SLC11A1: variants seen among roughly 807,000 people sequenced by gnomAD.
SLC11A1 encodes solute carrier family 11 member 1, also known as natural resistance-associated macrophage protein 1.
In SLC11A1, 59 loss-of-function variants were observed where a neutral mutation model predicts 63.2. That is an observed-to-expected ratio of 0.93 (90% CI 0.76 to 1.16). The LOEUF (loss-of-function observed/expected upper bound fraction) is 1.16. SLC11A1 is among the 50% of genes most tolerant of loss of function. The pLI, the probability that SLC11A1 is intolerant of heterozygous loss-of-function variation, is 0.00. For missense variants in SLC11A1, 688 were observed against 730.7 expected (o/e 0.94, Z 0.67); for synonymous variants, 305 against 307.8 (o/e 0.99, Z 0.09).
chr2:218,393,136 A>G lies in SLC11A1; in HGVS notation c.1314+6A>G, dbSNP rs777002464. 1 of 1,560,326 alleles carries G rather than the reference A, an allele frequency of 6.4e-7. No homozygotes were observed. The highest frequency in any genetic ancestry group is 8.6e-7 in the Non-Finnish European group (1 of 1,158,492). The stretch of plus-strand genomic sequence containing the variant: ...ACGTGCTGCAGAGCCTGCTGGTGAG[A>G]TGCGCCAACCCCACCAGCCCTGCCC... On this transcript the variant is annotated splice_donor_region_variant and intron_variant, in intron 12 of 14. Transcript: ENST00000233202.
In SLC11A1 at chr2:218,391,288, G is replaced by A. The variant is rs558831578; in HGVS notation, c.1044+1G>A. ...CGTGGCCGTGGACATTTACCAGGGG[G>A]TGAGCGCGGGTGGGTGGGGAGGGCG... On this transcript the variant is annotated splice_donor_variant, in intron 10 of 14. Coordinates refer to ENST00000233202, the MANE Select transcript of SLC11A1 (RefSeq NM_000578.4). LOFTEE classifies it high-confidence loss of function. The A allele has an allele frequency of 3.7e-6, 6 of 1,600,104 alleles. No individual in the cohort carries two copies. Among genetic ancestry groups the A allele is most frequent in the South Asian group, 2.2e-5 (2 of 90,806 alleles).
chr2:218,396,182 G>GC lies in SLC11A1; in HGVS notation c.*1149dup, dbSNP rs60216256. 152,359 of 152,362 alleles carry GC rather than the reference G, an allele frequency of 1. 76,178 individuals carry two copies. The highest frequency in any genetic ancestry group is 1 in the Middle Eastern group (294 of 294). The allele number at this position is 152,362 out of a possible 1,614,324, so 9.4% of individuals were successfully genotyped here. ...GGGGAGGCGGGCGCTCGGGGCTCGCGCCAGGGGCCCCAGAATCCTTCGGGG... is the reference window on the plus strand; with the variant it reads ...GGGGAGGCGGGCGCTCGGGGCTCGCGCCCAGGGGCCCCAGAATCCTTCGGGG... On this transcript the variant is annotated 3_prime_UTR_variant, in exon 15 of 15. Coordinates refer to ENST00000233202, the MANE Select transcript of SLC11A1 (RefSeq NM_000578.4).
intron 6 of SLC11A1, 84 bp downstream of exon 6, chr2:218,387,314 G>A (rs1208602498): frequency 1.5e-6 from 2 of 1,345,712 alleles, no homozygotes; most frequent in Middle Eastern, 1.9e-4. Flanking sequence ...GAACAGCCTG[G>A]GAGCGCACCT....
In SLC11A1 at chr2:218,383,015, G is replaced by C. The variant is rs776388355; in HGVS notation, c.63G>C (p.Pro21=). The C allele has an allele frequency of 6.9e-5, 111 of 1,611,420 alleles. No individual in the cohort carries two copies. Among genetic ancestry groups the C allele is most frequent in the East Asian group, 4.5e-4 (20 of 44,850 alleles). ...SGSSYGSISS[P]TSPTSPGPQQ... ...CCAGCTATGGTTCCATCTCCAGCCC[G>C]ACCAGCCCGACCAGCCCAGGGCCAC... The change falls in exon 2 of 15, where the codon CCG becomes CCC. Residue 21 remains proline (P), a synonymous_variant. Transcript: ENST00000233202.
At chr2:218,387,730 G>A (rs1696183338) in intron 7 of SLC11A1, 70 bp from the exon 8 acceptor site, 10 of 1,611,940 alleles carry the variant, frequency 6.2e-6, no homozygotes, top group Non-Finnish European at 7.6e-6. Flanking sequence ...GTGGGATGGA[G>A]GCTGAGAAAT....
rs1419064010 is a variant in SLC11A1, at chr2:218,396,328, C to T, written c.*1293C>T. On this transcript the variant is annotated 3_prime_UTR_variant, in exon 15 of 15. Coordinates refer to ENST00000233202, the MANE Select transcript of SLC11A1 (RefSeq NM_000578.4). ...AGACGTTCCCTAGGCTGTTTCTAGG[C>T]TCCCCCAAGTCCCTCCTCCAGCCTC... The T allele has an allele frequency of 6.6e-6, 1 of 152,406 alleles. No individual in the cohort carries two copies. Among genetic ancestry groups the T allele is most frequent in the African/African-American group, 2.4e-5 (1 of 41,490 alleles). 9.4% of individuals were successfully genotyped at this position (152,406 alleles called of 1,614,324 possible).
intron 11 of SLC11A1, chr2:218,392,078 C>CT (rs761996049): frequency 4.0e-4 from 157 of 387,838 alleles, no homozygotes; most frequent in East Asian, 9.6e-4. Context: ...TCTTTCTTTC[C>CT]TTTTTTTTGA....
chr2:218,382,819 G>A (rs1053068223), intron 1 of SLC11A1, 141 bp from the exon 2 acceptor site: 14 of 918,912 alleles, frequency 1.5e-5, no homozygotes, highest in African/African-American at 3.3e-5. Flanking sequence ...TTTGAGAGGT[G>A]GAGGTGATGG....
At chr2:218,386,453 GA>G (rs11405187) in intron 4 of SLC11A1, among the ~76,000 whole-genome samples, 181 bp from the exon 5 acceptor site, 173 of 137,212 alleles carry the variant, frequency 1.3e-3, no homozygotes, top group Middle Eastern at 3.8e-3. Flanking sequence ...ACTCTATTTC[GA>G]AAAAAAAAAA....
chr2:218,385,422 G>A lies in SLC11A1; in HGVS notation c.393+156G>A, dbSNP rs760229373. ...TTGTTTGTTTTTCAGTCGGAGTCTC[G>A]CTCCGTCGCCCAGTCAGGAGTGCAA... On this transcript the variant is annotated intron_variant, in intron 4 of 14. Transcript: ENST00000233202. 10 of 1,069,110 alleles carry A rather than the reference G, an allele frequency of 9.4e-6. 1 individual carries two copies. The highest frequency in any genetic ancestry group is 7.8e-5 in the South Asian group (6 of 77,290). 66.2% of individuals were successfully genotyped at this position (1,069,110 alleles called of 1,614,324 possible). A position where few individuals can be genotyped will look rare whatever the true frequency, so the allele number is the denominator to read the frequency against.
chr2:218,394,887 C>A, intron 14 of SLC11A1, 38 bp from the exon 15 acceptor site: 1 of 1,606,524 alleles, frequency 6.2e-7, no homozygotes, highest in Non-Finnish European at 8.5e-7. Context: ...CCCCAGAGGT[C>A]TTGGCATCTC....
At position 218,384,116 on chromosome 2, in the gene SLC11A1, AATGGGCC is replaced by A; in HGVS notation, c.151-122_151-116del. 2 of 994,742 alleles carry A rather than the reference AATGGGCC, an allele frequency of 2.0e-6. No individual in the cohort carries two copies. Among genetic ancestry groups the A allele is most frequent in the Non-Finnish European group, 2.8e-6 (2 of 715,786 alleles). The allele number at this position is 994,742 out of a possible 1,614,324, so 61.6% of individuals were successfully genotyped here. A position where few individuals can be genotyped will look rare whatever the true frequency, so the allele number is the denominator to read the frequency against. On this transcript the variant is annotated intron_variant, in intron 2 of 14. Coordinates refer to ENST00000233202, the MANE Select transcript of SLC11A1 (RefSeq NM_000578.4). This position sits in a 1 kb window ranked among gnomAD's most constrained non-coding sequence, Gnocchi z 4.0. Reference sequence around the variant, plus strand: ...CCATCCCTTGGGTGGCAGACCCAGGAATGGGCCATGGAGGGCAGGGCTGGGCTGATGA... The same window carrying A: ...CCATCCCTTGGGTGGCAGACCCAGGAATGGAGGGCAGGGCTGGGCTGATGA...
Position 218,386,735 on chromosome 2 carries a change from C to G in SLC11A1, c.494C>G (p.Ala165Gly), listed in dbSNP as rs1433926721. The change falls in exon 5 of 15, where the codon GCT (alanine) becomes GGT (glycine). Residue 165 changes from alanine to glycine, a missense_variant. Physicochemically the swap from Ala to Gly is moderately conservative, Grantham distance 60 (BLOSUM62 0). Transcript: ENST00000233202. ...GTAIAFNLLS[A>G]GRIPLWGGVL... ...GCCATTGCATTCAATCTGCTCTCAG[C>G]TGGACGGTACCACCCCAGTGTACCC... The G allele has an allele frequency of 6.2e-7, 1 of 1,612,826 alleles. No homozygotes were observed. Among genetic ancestry groups the G allele is most frequent in the Non-Finnish European group, 8.5e-7 (1 of 1,178,842 alleles).
rs1425546187 is a variant in SLC11A1, at chr2:218,395,374, G to A, written c.*339G>A. 4.0e-6 allele frequency: 1 copy of A among 250,602 alleles called. No individual in the cohort carries two copies. The highest frequency in any genetic ancestry group is 2.2e-5 in the African/African-American group (1 of 45,044). The allele number at this position is 250,602 out of a possible 1,614,324, so 15.5% of individuals were successfully genotyped here. ...TGACCTGACAGCCCAAGGGTGGGTG[G>A]GGTGAGGGCTTGAGGACTTGGGCGG... On this transcript the variant is annotated 3_prime_UTR_variant, in exon 15 of 15. Transcript: ENST00000233202.
intron 4 of SLC11A1, among the ~76,000 whole-genome samples, chr2:218,385,777 A>C (rs1171089377): frequency 1.3e-5 from 2 of 152,142 alleles, no homozygotes; most frequent in African/African-American, 4.8e-5. Flanking sequence ...CATTTCACAG[A>C]AGGGGTAATT....
At position 218,394,179 on chromosome 2, in the gene SLC11A1, G is replaced by T. The variant is rs777296654; in HGVS notation, c.1374G>T (p.Glu458Asp). Reference sequence around the variant, plus strand: ...CCAGCATGCCCACCCTCATGCAGGAGTTTGCCAATGGCCTGTGAGTACCCC... The same window carrying T: ...CCAGCATGCCCACCCTCATGCAGGATTTTGCCAATGGCCTGTGAGTACCCC... The part of the protein sequence containing the change: ...TFTSMPTLMQ[E>D]FANGLLNKVV... Residue 458 changes from glutamate (E) to aspartate (D), a missense_variant, in exon 13 of 15, where the codon GAG becomes GAT. Coordinates refer to ENST00000233202, the MANE Select transcript of SLC11A1 (RefSeq NM_000578.4). 2 of 1,614,130 alleles carry T rather than the reference G, an allele frequency of 1.2e-6. No homozygotes were observed. The highest frequency in any genetic ancestry group is 1.7e-6 in the Non-Finnish European group (2 of 1,180,004).
In SLC11A1 at chr2:218,384,136, G is replaced by A; in HGVS notation, c.151-107G>A. ...CCAGGAATGGGCCATGGAGGGCAGG[G>A]CTGGGCTGATGAGCCTGTTGGGGCT... On this transcript the variant is annotated intron_variant, in intron 2 of 14. Coordinates refer to ENST00000233202, the MANE Select transcript of SLC11A1 (RefSeq NM_000578.4). The surrounding 1 kb of genome is among the most constrained non-coding windows in gnomAD (Gnocchi z 4.0). 7.9e-7 allele frequency: 1 copy of A among 1,273,124 alleles called. No individual in the cohort carries two copies. The highest frequency in any genetic ancestry group is 1.1e-6 in the Non-Finnish European group (1 of 943,468). The allele number at this position is 1,273,124 out of a possible 1,614,324, so 78.9% of individuals were successfully genotyped here. A position where few individuals can be genotyped will look rare whatever the true frequency, so the allele number is the denominator to read the frequency against.
chr2:218,382,930 A>C (rs1418169428), intron 1 of SLC11A1, 30 bp from the exon 2 acceptor site: 1 of 1,613,782 alleles, frequency 6.2e-7, no homozygotes, highest in South Asian at 1.1e-5. Context: ...AAGAGGCAGG[A>C]CACTCACCAT....
In SLC11A1 at chr2:218,384,295, T is replaced by A; in HGVS notation, c.203T>A (p.Met68Lys). Reference protein sequence around the residue: ...LWAFTGPGFLMSIAFLDPGNI... With the variant: ...LWAFTGPGFLKSIAFLDPGNI... ...GCCTTCACGGGGCCTGGCTTCCTCATGAGCATTGCTTTCCTGGACCCAGGA... is the reference window on the plus strand; with the variant it reads ...GCCTTCACGGGGCCTGGCTTCCTCAAGAGCATTGCTTTCCTGGACCCAGGA... The change falls in exon 3 of 15, where the codon ATG (methionine) becomes AAG (lysine). Residue 68 changes from methionine to lysine, a missense_variant. Met to Lys is a moderately conservative substitution (Grantham distance 95). Coordinates refer to ENST00000233202, the MANE Select transcript of SLC11A1 (RefSeq NM_000578.4). The surrounding 1 kb of genome is among the most constrained non-coding windows in gnomAD (Gnocchi z 4.0). 1.2e-6 allele frequency: 2 copies of A among 1,609,358 alleles called. No individual in the cohort carries two copies. The highest frequency in any genetic ancestry group is 1.7e-6 in the Non-Finnish European group (2 of 1,176,698).
Sources: allele counts gnomAD v4.1 joint callset (sites outside exome capture counted in the v4.1 genomes callset), GRCh38; gene constraint gnomAD v4.1.1; non-coding constraint Gnocchi (gnomAD v3.1); transcripts MANE v1.5; gene names NCBI Gene and HGNC (gene_info 2026-07-23, HGNC 2026-07-21).